Variants in EML4 observed in about 807,000 individuals in gnomAD.
The protein encoded by EML4 is echinoderm microtubule-associated protein-like 4.
EML4 carries 72 observed loss-of-function variants against 129.0 expected under a neutral mutation model. That is an observed-to-expected ratio of 0.56 (90% confidence interval 0.46 to 0.68). The LOEUF is 0.68. Among genes scored for constraint, EML4 ranks in the 30% least tolerant of loss-of-function variants. The probability of loss-of-function intolerance (pLI) is 0.00; values close to 1 mark genes in which losing one functional copy is unlikely to be tolerated. For missense variants in EML4, 1,363 were observed against 1,190.6 expected (o/e 1.14, Z -2.13); for synonymous variants, 532 against 405.0 (o/e 1.31, Z -3.77).
intron 6 of EML4, among the ~76,000 whole-genome samples, chr2:42,273,015 T>C (rs1666458144): frequency 6.6e-6 from 1 of 152,214 alleles, no homozygotes; most frequent in Admixed American, 6.5e-5. Flanking sequence ...GCCTCCTGAT[T>C]GCCTCCCTGC....
At chr2:42,182,465 G>A (rs1295843040) in intron 1 of EML4, among the ~76,000 whole-genome samples, 2 of 151,910 alleles carry the variant, frequency 1.3e-5, no homozygotes, top group Admixed American at 6.6e-5. Context: ...TTGATACCCT[G>A]CACTAAACTG....
At chr2:42,169,766 C>G (rs1053277241) in intron 1 of EML4, 130 bp downstream of exon 1, 2 of 1,029,038 alleles carry the variant, frequency 1.9e-6, no homozygotes, top group East Asian at 6.2e-5. Flanking sequence ...ATGTTCCCTT[C>G]GAGGCTGCCG....
At chr2:42,260,530 A>AT (rs57148718) in intron 3 of EML4, among the ~76,000 whole-genome samples, 1 of 151,944 alleles carries the variant, frequency 6.6e-6, no homozygotes, top group Non-Finnish European at 1.5e-5. Flanking sequence ...TTGATAACTC[A>AT]TTTTTTTTGT....
intron 6 of EML4, among the ~76,000 whole-genome samples, chr2:42,270,546 C>G (rs1309590489): frequency 2.0e-5 from 3 of 152,112 alleles, no homozygotes; most frequent in Non-Finnish European, 4.4e-5. Flanking sequence ...CACATTTAGT[C>G]CTAAAATCTG....
rs74816568 is a variant in EML4, at chr2:42,221,403, CT to C, written c.26-24078del. ...AGCACATTGTTTACAACATGGTTTACTTTTTTTTTTTTTTTTTTTTTTTTGA... is the reference window on the plus strand; with the variant it reads ...AGCACATTGTTTACAACATGGTTTACTTTTTTTTTTTTTTTTTTTTTTTGA... On this transcript the variant is annotated intron_variant, in intron 1 of 22. Transcript: ENST00000318522. Among the ~76,000 whole-genome samples, 340 of 108,224 alleles carry C rather than the reference CT, an allele frequency of 3.1e-3. 1 individual carries two copies. The highest frequency in any genetic ancestry group is 9.9e-3 in the East Asian group (29 of 2,918). 71.0% of individuals were successfully genotyped at this position (108,224 alleles called of 152,430 possible).
intron 19 of EML4, among the ~76,000 whole-genome samples, chr2:42,321,389 A>T (rs1015728566): frequency 4.0e-5 from 6 of 151,398 alleles, no homozygotes; most frequent in East Asian, 1.9e-4. Flanking sequence ...CTGAAAAAAT[A>T]AAAAAAAAGT....
At chr2:42,302,903 A>G (rs969233703) in intron 14 of EML4, among the ~76,000 whole-genome samples, 5 of 152,192 alleles carry the variant, frequency 3.3e-5, no homozygotes, top group African/African-American at 1.2e-4. Context: ...AACTGAAGCA[A>G]AGAATGTTGA....
intron 3 of EML4, among the ~76,000 whole-genome samples, chr2:42,258,633 C>G (rs1665512470): frequency 2.0e-5 from 3 of 152,028 alleles, no homozygotes; most frequent in Admixed American, 2.0e-4. Flanking sequence ...CTCCCAACCT[C>G]AGGTCATCCG....
intron 3 of EML4, among the ~76,000 whole-genome samples, chr2:42,260,815 G>C (rs980247200): frequency 6.6e-6 from 1 of 152,178 alleles, no homozygotes; most frequent in African/African-American, 2.4e-5. Context: ...CTTGAGGTCA[G>C]TTAAGAGACC....
chr2:42,196,087 A>G (rs1342386183), intron 1 of EML4, among the ~76,000 whole-genome samples: 3 of 152,142 alleles, frequency 2.0e-5, no homozygotes, highest in Non-Finnish European at 4.4e-5. Flanking sequence ...TTGGAATCAG[A>G]GAGATTTGAG....
chr2:42,302,147 CTAT>C (rs1668318932), intron 14 of EML4, among the ~76,000 whole-genome samples: 1 of 152,014 alleles, frequency 6.6e-6, no homozygotes, highest in South Asian at 2.1e-4. Flanking sequence ...CCAAGGAATC[CTAT>C]TATTATAATA....
At chr2:42,192,387 C>T (rs1344596516) in intron 1 of EML4, among the ~76,000 whole-genome samples, 1 of 151,748 alleles carries the variant, frequency 6.6e-6, no homozygotes, top group African/African-American at 2.4e-5. Flanking sequence ...TTGCAGGCAC[C>T]CACCACCATG....
intron 4 of EML4, among the ~76,000 whole-genome samples, chr2:42,261,920 G>C (rs529051751): frequency 5.9e-5 from 9 of 152,294 alleles, no homozygotes; most frequent in African/African-American, 2.2e-4. Context: ...CTAACAATGT[G>C]TGTGAGCCTA....
At chr2:42,233,799 A>G (rs947397101) in intron 1 of EML4, among the ~76,000 whole-genome samples, 2 of 152,158 alleles carry the variant, frequency 1.3e-5, no homozygotes, top group African/African-American at 4.8e-5. Flanking sequence ...TTTTGTTACA[A>G]TTCATGTGGA....
intron 1 of EML4, among the ~76,000 whole-genome samples, chr2:42,200,101 A>C (rs1463863114): frequency 2.0e-5 from 3 of 149,640 alleles, no homozygotes; most frequent in Non-Finnish European, 4.4e-5. Context: ...CGAAGTCAGG[A>C]GATTGAGACC....
Position 42,274,453 on chromosome 2 carries a change from C to T in EML4, c.668-6397C>T, listed in dbSNP as rs1307410153. 2.0e-5 allele frequency among the ~76,000 whole-genome samples: 3 copies of T among 151,898 alleles called. No individual in the cohort carries two copies. In the East Asian group the frequency reaches 5.8e-4, roughly 29 times the overall value. Reference sequence around the variant, plus strand: ...GAAAGGCTTTTTTTTTCTTTTTAAACAATCTCTAAGTCCAGAAATAAAGCA... The same window carrying T: ...GAAAGGCTTTTTTTTTCTTTTTAAATAATCTCTAAGTCCAGAAATAAAGCA... On this transcript the variant is annotated intron_variant, in intron 6 of 22. Transcript: ENST00000318522.
intron 1 of EML4, among the ~76,000 whole-genome samples, chr2:42,244,771 A>G (rs1558534930): frequency 3.3e-5 from 5 of 152,182 alleles, no homozygotes; most frequent in East Asian, 3.9e-4. Flanking sequence ...ATAAAACCAA[A>G]CAAGTGATTT....
intron 1 of EML4, among the ~76,000 whole-genome samples, chr2:42,220,873 G>T (rs1673549484): frequency 1.3e-5 from 2 of 152,176 alleles, no homozygotes; most frequent in African/African-American, 4.8e-5. Context: ...TATAAAGTCA[G>T]ACCAGACACA....
intron 1 of EML4, among the ~76,000 whole-genome samples, chr2:42,176,676 C>T (rs1670621969): frequency 6.6e-6 from 1 of 152,214 alleles, no homozygotes; most frequent in African/African-American, 2.4e-5. Context: ...CTTGATAGGA[C>T]CACTCTTGGG....
Sources: allele counts gnomAD v4.1 joint callset (sites outside exome capture counted in the v4.1 genomes callset), GRCh38; gene constraint gnomAD v4.1.1; transcripts MANE v1.5; gene names NCBI Gene and HGNC (gene_info 2026-07-23, HGNC 2026-07-21).